The following FAM168A variants were observed in gnomAD, a reference collection of about 807,000 sequenced individuals.
FAM168A encodes family with sequence similarity 168 member A.
FAM168A carries 3 observed loss-of-function variants against 28.5 expected under a neutral mutation model. The observed-to-expected ratio is 0.11, with a 90% confidence interval of 0.05 to 0.27. The LOEUF (loss-of-function observed/expected upper bound fraction) is 0.27. Ranked by LOEUF, FAM168A falls within the 10% of genes least tolerant of loss-of-function variation. FAM168A has a pLI of 1.00. For synonymous variants in FAM168A, 122 were observed against 124.2 expected (o/e 0.98, Z 0.12); for missense variants, 222 against 311.5 (o/e 0.71, Z 2.16).
chr11:73,540,831 T>C (rs1480440962), intron 1 of FAM168A, among the ~76,000 whole-genome samples: 2 of 152,178 alleles, frequency 1.3e-5, no homozygotes, highest in African/African-American at 4.8e-5. Flanking sequence ...GGCAGGAACT[T>C]TGTCTTGGTT....
chr11:73,513,261 G>C (rs1167853960), intron 1 of FAM168A, among the ~76,000 whole-genome samples: 3 of 141,810 alleles, frequency 2.1e-5, no homozygotes, highest in Non-Finnish European at 4.5e-5. Context: ...CCAGGCTGGA[G>C]TGCAGTGGCG....
At chr11:73,522,627 C>T (rs752311255) in intron 1 of FAM168A, among the ~76,000 whole-genome samples, 27 of 151,736 alleles carry the variant, frequency 1.8e-4, no homozygotes, top group Admixed American at 1.3e-4. Context: ...TGAGCCACCA[C>T]GCCTGGCCAG....
chr11:73,536,811 G>A (rs145909698), intron 1 of FAM168A, among the ~76,000 whole-genome samples: 498 of 152,286 alleles, frequency 3.3e-3, no homozygotes, highest in Middle Eastern at 0.01. Flanking sequence ...ATGCTGCACC[G>A]TATCTGCATT....
chr11:73,558,868 G>C (rs1852705916), intron 1 of FAM168A, among the ~76,000 whole-genome samples: 1 of 152,146 alleles, frequency 6.6e-6, no homozygotes, highest in South Asian at 2.1e-4. Context: ...AAATGGTGCA[G>C]CCATTATGGA....
intron 1 of FAM168A, among the ~76,000 whole-genome samples, chr11:73,483,973 A>G (rs1868003861): frequency 6.6e-6 from 1 of 152,222 alleles, no homozygotes; most frequent in South Asian, 2.1e-4. Context: ...GTCAGATGTA[A>G]TAATTCAGAG....
intron 2 of FAM168A, among the ~76,000 whole-genome samples, chr11:73,434,471 T>C (rs552239768): frequency 7.9e-5 from 12 of 152,266 alleles, no homozygotes; most frequent in African/African-American, 2.4e-4. Flanking sequence ...AAGGAAATGA[T>C]AGTGTTAAGC....
chr11:73,409,770 CT>C, intron 5 of FAM168A, 109 bp from the exon 6 acceptor site: 1 of 1,121,418 alleles, frequency 8.9e-7, no homozygotes, highest in Non-Finnish European at 1.3e-6. Flanking sequence ...TGGGGCTCTG[CT>C]TGTCTTACTA....
rs114559507 is a variant in FAM168A, at chr11:73,559,027, T to C, written c.-19+38896A>G. Among the ~76,000 whole-genome samples, 828 of 152,284 alleles carry C rather than the reference T, an allele frequency of 5.4e-3. 5 individuals are homozygous for C. Among genetic ancestry groups the C allele is most frequent in the African/African-American group, 0.019 (795 of 41,544 alleles). ...GCAGCACCTTCACAATAGCGAAAGA[T>C]AGAAACAACTCAAACGTCCATCAGT... On this transcript the variant is annotated intron_variant, in intron 1 of 7. Coordinates refer to ENST00000356467, the MANE Select transcript of FAM168A (RefSeq NM_015159.3).
intron 1 of FAM168A, chr11:73,510,816 C>G (rs1209331559): frequency 1.9e-5 from 7 of 367,774 alleles, no homozygotes; most frequent in South Asian, 1.5e-4. Context: ...TAGGAATGGA[C>G]GTAGACAGAT....
At chr11:73,477,592 AGAG>A (rs1867906040) in intron 1 of FAM168A, among the ~76,000 whole-genome samples, 1 of 152,158 alleles carries the variant, frequency 6.6e-6, no homozygotes, top group South Asian at 2.1e-4. Context: ...AAAAGTGGCA[AGAG>A]AAAACAACTT....
intron 1 of FAM168A, among the ~76,000 whole-genome samples, chr11:73,524,604 A>G (rs1376110372): frequency 1.3e-5 from 2 of 151,290 alleles, no homozygotes; most frequent in African/African-American, 4.9e-5. Flanking sequence ...ATGTATGTGT[A>G]TATATATATA....
intron 1 of FAM168A, among the ~76,000 whole-genome samples, chr11:73,553,153 A>G (rs1362480759): frequency 6.6e-6 from 1 of 152,204 alleles, no homozygotes; most frequent in Admixed American, 6.5e-5. Context: ...AGAGAGATCA[A>G]AGGTTAAGGT....
At chr11:73,548,490 A>G (rs539401614) in intron 1 of FAM168A, among the ~76,000 whole-genome samples, 12 of 152,198 alleles carry the variant, frequency 7.9e-5, no homozygotes, top group Non-Finnish European at 1.5e-4. Flanking sequence ...AAGACAGTGT[A>G]ATTCTTTAAG....
At chr11:73,544,701 AATTATATATAATTATATATTTTATATG>A (rs1435524032) in intron 1 of FAM168A, among the ~76,000 whole-genome samples, 26 of 130,638 alleles carry the variant, frequency 2.0e-4, no homozygotes, top group Non-Finnish European at 3.3e-4. Flanking sequence ...TTTTATATGT[AATTATATATAATTATATATTTTATATG>A]TAATTATATA....
intron 1 of FAM168A, among the ~76,000 whole-genome samples, chr11:73,512,876 T>C (rs1013760790): frequency 6.6e-6 from 1 of 152,208 alleles, no homozygotes; most frequent in African/African-American, 2.4e-5. Context: ...TTAGTTGAAT[T>C]GAACTGAAAA....
chr11:73,417,651 C>T (rs1866719036), intron 4 of FAM168A, among the ~76,000 whole-genome samples: 1 of 149,338 alleles, frequency 6.7e-6, no homozygotes, highest in African/African-American at 2.5e-5. Context: ...GCTCCGTCTT[C>T]TGGGTTCACA....
rs561006873 is a variant in FAM168A, at chr11:73,482,599, C to T, written c.-18-14107G>A. Reference sequence around the variant, plus strand: ...GAATATATTAGTTTTTTGAAGCAAACCTATGAGGCCCACTAGATTATAAAT... The same window carrying T: ...GAATATATTAGTTTTTTGAAGCAAATCTATGAGGCCCACTAGATTATAAAT... On this transcript the variant is annotated intron_variant, in intron 1 of 7. Transcript: ENST00000356467. Among the ~76,000 whole-genome samples the T allele has an allele frequency of 2.6e-5, 4 of 151,576 alleles. No homozygotes were observed. In the South Asian group the frequency reaches 8.4e-4, roughly 32 times the overall value.
At chr11:73,469,760 A>ATC (rs1400992539) in intron 1 of FAM168A, among the ~76,000 whole-genome samples, 1 of 152,168 alleles carries the variant, frequency 6.6e-6, no homozygotes, top group Non-Finnish European at 1.5e-5. Flanking sequence ...TTATATATAT[A>ATC]TTTCAGTTAA....
At chr11:73,554,752 GA>G (rs1181652238) in intron 1 of FAM168A, among the ~76,000 whole-genome samples, 1 of 152,200 alleles carries the variant, frequency 6.6e-6, no homozygotes, top group East Asian at 1.9e-4. Context: ...ATGCAAGGGT[GA>G]AATACAATGG....
Sources: gnomAD v4.1 joint callset for allele counts (sites outside exome capture counted in the v4.1 genomes callset) on GRCh38, gnomAD v4.1.1 for gene constraint, MANE v1.5 for transcripts, NCBI Gene and HGNC (gene_info 2026-07-23, HGNC 2026-07-21) for gene names.